The following ATP11C variants were observed in gnomAD, a reference collection of about 807,000 sequenced individuals.
The protein encoded by ATP11C is ATPase phospholipid transporting 11C (ATP11C blood group), also known as phospholipid-transporting ATPase IG.
Under a neutral mutation model 97.4 loss-of-function variants are expected in ATP11C, and 36 were observed. That is an observed-to-expected ratio of 0.37 (90% CI 0.28 to 0.49). ATP11C has a LOEUF of 0.49. Ranked by LOEUF, ATP11C falls within the 20% of genes least tolerant of loss-of-function variation. The pLI, the probability that ATP11C is intolerant of heterozygous loss-of-function variation, is 0.98. For synonymous variants in ATP11C, 275 were observed against 290.9 expected, an observed-to-expected ratio of 0.95 and a Z score of 0.56; for missense variants, 730 against 824.6, an observed-to-expected ratio of 0.89 and a Z score of 1.40.
chrX:139,762,994 T>C (rs1312748158), intron 21 of ATP11C, among the ~76,000 whole-genome samples: 1 of 111,894 alleles, frequency 8.9e-6, no homozygotes, highest in South Asian at 3.7e-4. Context: ...GGGCAGAAAA[T>C]CAATAAAAAT....
intron 1 of ATP11C, among the ~76,000 whole-genome samples, chrX:139,927,456 T>G (rs1257497584): frequency 9.1e-6 from 1 of 110,043 alleles, no homozygotes; most frequent in Non-Finnish European, 1.9e-5. Context: ...TACAAAAAAT[T>G]AGCCAGGCGT....
chrX:139,903,195 G>C (rs1410147233), intron 1 of ATP11C, among the ~76,000 whole-genome samples: 1 of 111,465 alleles, frequency 9.0e-6, no homozygotes, highest in Non-Finnish European at 1.9e-5. Context: ...AAAAACCAGG[G>C]GGTGGCCTGT....
intron 1 of ATP11C, among the ~76,000 whole-genome samples, chrX:139,898,589 G>A (rs1356710434): frequency 2.7e-5 from 3 of 111,107 alleles, no homozygotes; most frequent in African/African-American, 9.8e-5. Flanking sequence ...GGTGGACACA[G>A]GAGCATTTAC....
rs936580792 is a variant in ATP11C, at chrX:139,865,071, C to A, written c.28-38248G>T. Among the ~76,000 whole-genome samples the A allele has an allele frequency of 6.2e-5, 7 of 112,157 alleles. 1 individual carries two copies. In the East Asian group the frequency reaches 1.1e-3, roughly 18 times the overall value. On this transcript the variant is annotated intron_variant, in intron 1 of 29. Coordinates refer to ENST00000682941, the MANE Select transcript of ATP11C (RefSeq NM_001353812.2). ...TAATCAAAGTCAAAGCTCAAAAGTT[C>A]CCATTTTTGTCTAAAATGTTTAAGG...
At position 139,826,759 on chromosome X, in the gene ATP11C, T is replaced by G; in HGVS notation, c.92A>C (p.Glu31Ala). 8.3e-7 allele frequency: 1 copy of G among 1,207,892 alleles called. No individual in the cohort carries two copies. The highest frequency in any genetic ancestry group is 1.1e-6 in the Non-Finnish European group (1 of 892,390). The change falls in exon 2 of 30, where the codon GAA becomes GCA. Residue 31 changes from glutamate (E) to alanine (A), a missense_variant. Coordinates refer to ENST00000682941, the MANE Select transcript of ATP11C (RefSeq NM_001353812.2). ...TVFVGNHPVS[E>A]TEAYIAQRFC... ...TCTTTGTGCAATGTAAGCTTCTGTT[T>G]CCGAAACTGGATGATTGCCAACAAA...
intron 5 of ATP11C, among the ~76,000 whole-genome samples, chrX:139,808,739 T>C (rs1005123351): frequency 2.7e-5 from 3 of 112,258 alleles, no homozygotes; most frequent in Admixed American, 9.4e-5. Context: ...AATAAGATAC[T>C]ATATGAAAAT....
intron 1 of ATP11C, among the ~76,000 whole-genome samples, chrX:139,875,431 A>G (rs868749094): frequency 4.6e-5 from 5 of 107,891 alleles, no homozygotes; most frequent in Non-Finnish European, 7.7e-5. Flanking sequence ...AAAAAAAAAA[A>G]AAAAAAGAAA....
chrX:139,885,157 CTCTG>C (rs1261372105), intron 1 of ATP11C, among the ~76,000 whole-genome samples: 1 of 110,677 alleles, frequency 9.0e-6, no homozygotes, highest in East Asian at 2.8e-4. Context: ...CCCTCCCTTC[CTCTG>C]TCTCTCTCAC....
intron 2 of ATP11C, among the ~76,000 whole-genome samples, chrX:139,823,909 G>C (rs2083465035): frequency 9.1e-6 from 1 of 110,281 alleles, no homozygotes; most frequent in African/African-American, 3.3e-5. Context: ...TACAAATTAT[G>C]ATTCTGGCAA....
chrX:139,774,629 T>C (rs2082314819), intron 19 of ATP11C, 61 bp downstream of exon 19: 1 of 1,021,579 alleles, frequency 9.8e-7, no homozygotes, highest in Non-Finnish European at 1.3e-6. Flanking sequence ...CTTTTGTATA[T>C]GCAGCTGTGA....
intron 5 of ATP11C, among the ~76,000 whole-genome samples, chrX:139,811,579 G>A (rs1237186314): frequency 2.1e-5 from 2 of 95,634 alleles, no homozygotes; most frequent in Non-Finnish European, 4.2e-5. Flanking sequence ...TTTTTTTTCT[G>A]TTTCTCTCAC....
intron 1 of ATP11C, chrX:139,832,007 A>G: frequency 1.8e-6 from 1 of 561,362 alleles, no homozygotes; most frequent in Non-Finnish European, 2.8e-6. Flanking sequence ...AGGAGCAGTG[A>G]GGCTGAAAAT....
intron 14 of ATP11C, 90 bp from the exon 15 acceptor site, chrX:139,787,334 G>T (rs1310691587): frequency 1.1e-5 from 9 of 784,118 alleles, no homozygotes; most frequent in Non-Finnish European, 1.6e-5. Context: ...GTCTCGCTCT[G>T]TTGCCCAGGC....
chrX:139,820,438 T>A (rs1035195310), intron 2 of ATP11C, among the ~76,000 whole-genome samples: 13 of 110,293 alleles, frequency 1.2e-4, no homozygotes, highest in Middle Eastern at 4.7e-3. Flanking sequence ...ATAAATAAAT[T>A]ATTTGGAGGA....
At chrX:139,882,313 A>T (rs771992151) in intron 1 of ATP11C, among the ~76,000 whole-genome samples, 5 of 111,910 alleles carry the variant, frequency 4.5e-5, no homozygotes, top group South Asian at 3.8e-4. Context: ...CCCTTTAAGG[A>T]CAAGCAGGAG....
At chrX:139,788,393 G>A (rs771015497) in intron 13 of ATP11C, 50 bp from the exon 14 acceptor site, 20 of 1,065,418 alleles carry the variant, frequency 1.9e-5, no homozygotes, top group East Asian at 6.1e-5. Flanking sequence ...TTGATCACCC[G>A]GTAACTAGGC....
chrX:139,933,555 T>C (rs2085481811), upstream of ATP11C, among the ~76,000 whole-genome samples: 1 of 112,353 alleles, frequency 8.9e-6, no homozygotes, highest in South Asian at 3.6e-4. Flanking sequence ...TCACCGCCCC[T>C]TAAGGCGGGG....
At chrX:139,862,692 C>G (rs2491009) in intron 1 of ATP11C, among the ~76,000 whole-genome samples, 20,174 of 110,598 alleles carry the variant, frequency 0.18, 3,113 homozygotes, top group African/African-American at 0.5. Flanking sequence ...AGGCAGAGAG[C>G]ATAACTAAAT....
intron 27 of ATP11C, among the ~76,000 whole-genome samples, chrX:139,738,391 T>C (rs1381664696): frequency 8.9e-6 from 1 of 111,995 alleles, no homozygotes; most frequent in Non-Finnish European, 1.9e-5. Flanking sequence ...TCAAGAGAAA[T>C]GGTTCATTTT....
Sources: allele counts gnomAD v4.1 joint callset (sites outside exome capture counted in the v4.1 genomes callset), GRCh38; gene constraint gnomAD v4.1.1; transcripts MANE v1.5; gene names NCBI Gene and HGNC (gene_info 2026-07-23, HGNC 2026-07-21).